The following CADPS2 variants were observed in gnomAD, a reference collection of about 807,000 sequenced individuals.
The protein encoded by CADPS2 is calcium dependent secretion activator 2.
Under a neutral mutation model 172.5 loss-of-function variants are expected in CADPS2, and 93 were observed. That is an observed-to-expected ratio of 0.54 (90% CI 0.46 to 0.64). The LOEUF (loss-of-function observed/expected upper bound fraction) is 0.64, where lower values mean the gene tolerates loss of function less well. CADPS2 is among the 30% of genes least tolerant of loss of function. The pLI is 0.00. For synonymous variants in CADPS2, 546 were observed against 555.2 expected, an observed-to-expected ratio of 0.98 and a Z score of 0.23; for missense variants, 1,420 against 1,565.9, an observed-to-expected ratio of 0.91 and a Z score of 1.57.
intron 16 of CADPS2, 63 bp downstream of exon 16, chr7:122,441,449 A>G (rs2051342951): frequency 9.1e-7 from 1 of 1,104,370 alleles, no homozygotes; most frequent in East Asian, 2.7e-5. Context: ...CCCTAGTTCA[A>G]TAACTAAAAT....
intron 8 of CADPS2, among the ~76,000 whole-genome samples, chr7:122,537,860 T>C (rs1015868181): frequency 4.0e-5 from 6 of 151,206 alleles, no homozygotes; most frequent in Admixed American, 6.6e-5. Flanking sequence ...AAAAATGAAA[T>C]AAAAAATAAT....
intron 8 of CADPS2, among the ~76,000 whole-genome samples, chr7:122,519,934 T>C (rs113021488): frequency 6.6e-6 from 1 of 151,994 alleles, no homozygotes; most frequent in Non-Finnish European, 1.5e-5. Flanking sequence ...TAGTATATTT[T>C]AAAAATCTTC....
intron 9 of CADPS2, among the ~76,000 whole-genome samples, chr7:122,502,692 C>T (rs1340246776): frequency 3.3e-5 from 5 of 151,768 alleles, no homozygotes; most frequent in Admixed American, 6.6e-5. Flanking sequence ...TTAATTGAGC[C>T]GCCAAAATAT....
rs112200408 is a variant in CADPS2 at position 122,477,279 on chromosome 7, G to A, written c.1862-2762C>T. On this transcript the variant is annotated intron_variant, in intron 12 of 29. Transcript: ENST00000449022. ...TGTAATCCCAGCACTTTGGGAGGCC[G>A]AGGTGGGTGAATCACCTGGGGCCAG... Among the ~76,000 whole-genome samples the A allele has an allele frequency of 4.1e-3, 623 of 152,190 alleles. 4 individuals carry two copies. Among genetic ancestry groups the A allele is most frequent in the Middle Eastern group, 0.027 (8 of 294 alleles).
intron 2 of CADPS2, among the ~76,000 whole-genome samples, chr7:122,673,949 C>T (rs894179461): frequency 6.6e-6 from 1 of 151,326 alleles, no homozygotes; most frequent in South Asian, 2.1e-4. Flanking sequence ...TAGGGCATGG[C>T]GGGCTGCAGG....
At chr7:122,707,168 A>C (rs955216461) in intron 2 of CADPS2, among the ~76,000 whole-genome samples, 4 of 151,908 alleles carry the variant, frequency 2.6e-5, no homozygotes, top group African/African-American at 9.7e-5. Flanking sequence ...CGCAACAAAC[A>C]TGTAATATGC....
chr7:122,776,458 A>T (rs1490918963), intron 1 of CADPS2, among the ~76,000 whole-genome samples: 1 of 152,156 alleles, frequency 6.6e-6, no homozygotes, highest in African/African-American at 2.4e-5. Context: ...AATACAGTAA[A>T]TTAGTACTGG....
At chr7:122,408,793 AC>A (rs1356179534) in intron 19 of CADPS2, among the ~76,000 whole-genome samples, 1 of 152,190 alleles carries the variant, frequency 6.6e-6, no homozygotes, top group Admixed American at 6.5e-5. Flanking sequence ...AAATTTTGAC[AC>A]ACTATTTTCT....
At chr7:122,329,096 T>C (rs2034460279) in intron 28 of CADPS2, among the ~76,000 whole-genome samples, 1 of 152,112 alleles carries the variant, frequency 6.6e-6, no homozygotes, top group East Asian at 1.9e-4. Flanking sequence ...GTGCCAGGAG[T>C]TGCCACTGAC....
intron 2 of CADPS2, among the ~76,000 whole-genome samples, chr7:122,727,711 C>A (rs547278766): frequency 1.3e-5 from 2 of 152,016 alleles, no homozygotes; most frequent in East Asian, 3.9e-4. Context: ...ATCAAGAATG[C>A]AGGCAACTTT....
At chr7:122,843,013 T>C (rs1250308762) in intron 1 of CADPS2, among the ~76,000 whole-genome samples, 1 of 152,170 alleles carries the variant, frequency 6.6e-6, no homozygotes, top group African/African-American at 2.4e-5. Flanking sequence ...ACTATCATAT[T>C]TGAATGTGGA....
intron 1 of CADPS2, among the ~76,000 whole-genome samples, chr7:122,766,821 A>G (rs1231309014): frequency 6.6e-6 from 1 of 152,194 alleles, no homozygotes; most frequent in Non-Finnish European, 1.5e-5. Flanking sequence ...TCTGTTTGGC[A>G]GAACTGATAT....
At chr7:122,700,044 G>A (rs976608648) in intron 2 of CADPS2, among the ~76,000 whole-genome samples, 2 of 152,116 alleles carry the variant, frequency 1.3e-5, no homozygotes, top group Non-Finnish European at 2.9e-5. Context: ...TCATGTCAGT[G>A]GCACAATATG....
At chr7:122,339,582 C>A (rs558898711) in intron 28 of CADPS2, among the ~76,000 whole-genome samples, 1 of 152,254 alleles carries the variant, frequency 6.6e-6, no homozygotes, top group Non-Finnish European at 1.5e-5. Flanking sequence ...TGATGTGAAG[C>A]ACTAGCTCAA....
At chr7:122,594,025 A>T (rs946988123) in intron 6 of CADPS2, among the ~76,000 whole-genome samples, 1 of 152,100 alleles carries the variant, frequency 6.6e-6, no homozygotes, top group East Asian at 1.9e-4. Context: ...GAACTAGACA[A>T]TACCTTTTAA....
chr7:122,481,182 T>G (rs1397780951), intron 11 of CADPS2, among the ~76,000 whole-genome samples: 2 of 148,598 alleles, frequency 1.3e-5, no homozygotes, highest in Non-Finnish European at 3.0e-5. Flanking sequence ...TTTTTTTTTT[T>G]TTTGACGGAG....
intron 1 of CADPS2, among the ~76,000 whole-genome samples, chr7:122,862,151 G>A (rs1817102821): frequency 6.6e-6 from 1 of 152,208 alleles, no homozygotes; most frequent in Non-Finnish European, 1.5e-5. Flanking sequence ...AAGGCTACAG[G>A]AAGGACATAT....
chr7:122,388,153 T>C (rs2151440413), intron 23 of CADPS2, among the ~76,000 whole-genome samples: 1 of 152,200 alleles, frequency 6.6e-6, no homozygotes, highest in African/African-American at 2.4e-5. Flanking sequence ...AAATAGTTAG[T>C]AATCCCAGAA....
chr7:122,850,739 C>A (rs1468005856), intron 1 of CADPS2, among the ~76,000 whole-genome samples: 1 of 152,160 alleles, frequency 6.6e-6, no homozygotes, highest in African/African-American at 2.4e-5. Context: ...GCCTTTTAGT[C>A]CACAAAGCCT....
Sources: gnomAD v4.1 joint callset for allele counts (sites outside exome capture counted in the v4.1 genomes callset) on GRCh38, gnomAD v4.1.1 for gene constraint, MANE v1.5 for transcripts, NCBI Gene and HGNC (gene_info 2026-07-23, HGNC 2026-07-21) for gene names.